The following RANBP10 variants were observed in gnomAD, a reference collection of about 807,000 sequenced individuals.
RANBP10 encodes RAN binding protein 10.
A neutral mutation model predicts 72.8 loss-of-function variants in RANBP10; 24 were observed. The observed-to-expected ratio is 0.33, with a 90% confidence interval of 0.24 to 0.46. The LOEUF is 0.46. Among genes scored for constraint, RANBP10 ranks in the 20% least tolerant of loss-of-function variants. The pLI is 1.00. For synonymous variants in RANBP10, 310 were observed against 322.3 expected (o/e 0.96, Z 0.41); for missense variants, 679 against 817.5 (o/e 0.83, Z 2.07).
chr16:67,738,002 G>C lies in RANBP10; in HGVS notation c.591+11C>G, dbSNP rs926161480. On this transcript the variant is annotated intron_variant, in intron 5 of 13. Coordinates refer to ENST00000317506, the MANE Select transcript of RANBP10 (RefSeq NM_020850.3). ...AAACCCAGGAGGGGAAGACTCAATA[G>C]TAGTACTCACCGGGAGGTCTGTGAA... The C allele has an allele frequency of 3.2e-6, 5 of 1,586,210 alleles. No individual in the cohort carries two copies. The African/African-American group carries it at 5.4e-5, about 17-fold the overall frequency.
intron 3 of RANBP10, among the ~76,000 whole-genome samples, chr16:67,769,573 G>A (rs1307970835): frequency 2.7e-5 from 4 of 150,306 alleles, no homozygotes; most frequent in Admixed American, 1.3e-4. Flanking sequence ...GTGAAACCCC[G>A]TTTCTATTAA....
At chr16:67,753,956 A>C (rs1293671118) in intron 3 of RANBP10, among the ~76,000 whole-genome samples, 1 of 152,022 alleles carries the variant, frequency 6.6e-6, no homozygotes, top group Non-Finnish European at 1.5e-5. Context: ...AACATGGTGA[A>C]ACCCCGTCTC....
chr16:67,744,853 T>G (rs1457468833), intron 3 of RANBP10, among the ~76,000 whole-genome samples: 1 of 152,160 alleles, frequency 6.6e-6, no homozygotes, highest in Non-Finnish European at 1.5e-5. Flanking sequence ...TGAGACGGAG[T>G]CTCGCTGTCA....
chr16:67,786,989 A>G (rs910602796), intron 2 of RANBP10, among the ~76,000 whole-genome samples: 2 of 152,130 alleles, frequency 1.3e-5, no homozygotes, highest in Non-Finnish European at 2.9e-5. Context: ...CTGTAATTCC[A>G]GCACTTTGGG....
In RANBP10 at chr16:67,728,502, C is replaced by T. The variant is rs148562496; in HGVS notation, c.1362G>A (p.Glu454=). The T allele has an allele frequency of 7.4e-6, 12 of 1,614,054 alleles. No individual in the cohort carries two copies. In the Admixed American group the frequency reaches 1.0e-4, roughly 13 times the overall value. ...GGTAGTGCTCTGCCTCCATCTCCATCTCACTGTCGCTGTGGGGAGGGGTTG... is the reference window on the plus strand; with the variant it reads ...GGTAGTGCTCTGCCTCCATCTCCATTTCACTGTCGCTGTGGGGAGGGGTTG... The part of the protein sequence containing the change: ...STSNQETSDS[E]MEMEAEHYPN... The change falls in exon 11 of 14, where the codon GAG becomes GAA. Residue 454 remains glutamate (E), a synonymous_variant. Coordinates refer to ENST00000317506, the MANE Select transcript of RANBP10 (RefSeq NM_020850.3).
chr16:67,775,737 C>G (rs1181324173), intron 2 of RANBP10, among the ~76,000 whole-genome samples: 2 of 127,776 alleles, frequency 1.6e-5, no homozygotes. Flanking sequence ...CCCAGGAGAT[C>G]AAGACTGCAG....
chr16:67,738,922 T>G (rs1235925103), intron 4 of RANBP10: 1 of 152,082 alleles, frequency 6.6e-6, no homozygotes, highest in Non-Finnish European at 1.5e-5. Context: ...ACCTGATACT[T>G]CTCTTGATTT....
chr16:67,791,377 T>C (rs1567713127), intron 2 of RANBP10, among the ~76,000 whole-genome samples: 1 of 152,208 alleles, frequency 6.6e-6, no homozygotes, highest in African/African-American at 2.4e-5. Context: ...TATGGGCACT[T>C]TTAAGAACTG....
chr16:67,735,112 A>T, intron 5 of RANBP10, 70 bp from the exon 6 acceptor site: 2 of 1,398,298 alleles, frequency 1.4e-6, no homozygotes, highest in South Asian at 2.8e-5. Flanking sequence ...CCTCACCTCC[A>T]TGGCTGCTGC....
chr16:67,804,819 G>A (rs1430008931), intron 2 of RANBP10, among the ~76,000 whole-genome samples: 3 of 152,036 alleles, frequency 2.0e-5, no homozygotes, highest in African/African-American at 4.8e-5. Context: ...GTGAGCCACC[G>A]TGCCTGGCTC....
chr16:67,800,023 A>G (rs1300126016), intron 2 of RANBP10, among the ~76,000 whole-genome samples: 6 of 152,112 alleles, frequency 3.9e-5, no homozygotes, highest in Admixed American at 6.6e-5. Context: ...CGGGAGGGTG[A>G]GGCAGGGGAA....
chr16:67,783,256 C>A (rs1355004657), intron 2 of RANBP10, among the ~76,000 whole-genome samples: 6 of 152,172 alleles, frequency 3.9e-5, no homozygotes, highest in African/African-American at 1.2e-4. Flanking sequence ...CCCAGGCAGG[C>A]CTGGTGGTGG....
intron 2 of RANBP10, among the ~76,000 whole-genome samples, chr16:67,800,093 G>A (rs565718066): frequency 6.6e-6 from 1 of 152,000 alleles, no homozygotes; most frequent in Non-Finnish European, 1.5e-5. Flanking sequence ...CTGCACTCCA[G>A]CCTGGCAACA....
At chr16:67,773,988 A>T (rs1246967586) in intron 2 of RANBP10, among the ~76,000 whole-genome samples, 1 of 152,220 alleles carries the variant, frequency 6.6e-6, no homozygotes, top group Admixed American at 6.5e-5. Context: ...CATTAGATTA[A>T]AACTTGCACA....
intron 3 of RANBP10, among the ~76,000 whole-genome samples, chr16:67,746,483 A>AAATAAT (rs948347845): frequency 6.6e-5 from 10 of 151,792 alleles, no homozygotes; most frequent in African/African-American, 2.2e-4. Flanking sequence ...TCCGTCTCAA[A>AAATAAT]AATAATAATA....
chr16:67,757,290 G>A (rs1046671596), intron 3 of RANBP10, among the ~76,000 whole-genome samples: 11 of 152,204 alleles, frequency 7.2e-5, no homozygotes, highest in Non-Finnish European at 1.0e-4. Flanking sequence ...GGGTAGGGGT[G>A]GAGCTGGTGA....
chr16:67,800,980 A>G (rs1007478881), intron 2 of RANBP10, among the ~76,000 whole-genome samples: 4 of 152,190 alleles, frequency 2.6e-5, no homozygotes, highest in Non-Finnish European at 4.4e-5. Context: ...CTGGCTTTAC[A>G]TCTGTTCTCC....
chr16:67,751,372 C>A (rs953125200), intron 3 of RANBP10, among the ~76,000 whole-genome samples: 1 of 152,064 alleles, frequency 6.6e-6, no homozygotes, highest in Non-Finnish European at 1.5e-5. Context: ...GCCTGTAATC[C>A]CAAGCACTTG....
At chr16:67,726,892 C>CAG (rs1190948161) in intron 13 of RANBP10, among the ~76,000 whole-genome samples, 1 of 152,226 alleles carries the variant, frequency 6.6e-6, no homozygotes, top group Non-Finnish European at 1.5e-5. Context: ...AGGGCCTGTA[C>CAG]AGAGCTTGCT....
Sources: allele counts gnomAD v4.1 joint callset (sites outside exome capture counted in the v4.1 genomes callset), GRCh38; gene constraint gnomAD v4.1.1; transcripts MANE v1.5; gene names NCBI Gene and HGNC (gene_info 2026-07-23, HGNC 2026-07-21).